SLC16A8: variants seen among roughly 807,000 people sequenced by gnomAD.
SLC16A8 encodes monocarboxylate transporter 3.
In SLC16A8, 20 loss-of-function variants were observed where a neutral mutation model predicts 22.4. The observed-to-expected ratio is 0.89, with a 90% CI of 0.63 to 1.30. The LOEUF is 1.30. SLC16A8 is among the 50% of genes most tolerant of loss of function. The pLI, the probability that SLC16A8 is intolerant of heterozygous loss-of-function variation, is 0.00. For synonymous variants in SLC16A8, 393 were observed against 358.8 expected, an observed-to-expected ratio of 1.10 and a Z score of -1.08; for missense variants, 817 against 740.3, an observed-to-expected ratio of 1.10 and a Z score of -1.20.
In SLC16A8 at chr22:38,081,245, G is replaced by A. The variant is rs373733532; in HGVS notation, c.793C>T (p.Leu265Phe). 11 of 1,585,524 alleles carry A rather than the reference G, an allele frequency of 6.9e-6. No individual in the cohort carries two copies. In the African/African-American group the frequency reaches 1.2e-4, roughly 18 times the overall value. Reference sequence around the variant, plus strand: ...AGGATGGCGGGGACGAAGAGCCCGAGCGCCATCAGGAACTTGGTGACGGCG... The same window carrying A: ...AGGATGGCGGGGACGAAGAGCCCGAACGCCATCAGGAACTTGGTGACGGCG... Reference protein sequence around the residue: ...VYAVTKFLMALGLFVPAILLV... With the variant: ...VYAVTKFLMAFGLFVPAILLV... The change falls in exon 5 of 6, where the codon CTC becomes TTC. Residue 265 changes from leucine to phenylalanine, a missense_variant. By Grantham distance (22) the Leu-to-Phe change is conservative. Transcript: ENST00000681075.
At chr22:38,081,751 A>G (rs2085921542) in intron 4 of SLC16A8, 72 bp from the exon 5 acceptor site, 6 of 1,457,372 alleles carry the variant, frequency 4.1e-6, no homozygotes, top group African/African-American at 1.4e-5. Flanking sequence ...GGGAGGGGCC[A>G]GGCCCGGGAA....
In SLC16A8 at chr22:38,081,675, C is replaced by T; in HGVS notation, c.363G>A (p.Leu121=). The T allele has an allele frequency of 1.3e-6, 2 of 1,516,678 alleles. No individual in the cohort carries two copies. Among genetic ancestry groups the T allele is most frequent in the African/African-American group, 1.4e-5 (1 of 71,858 alleles). The allele number at this position is 1,516,678 out of a possible 1,614,324, so 94.0% of individuals were successfully genotyped here. A position where few individuals can be genotyped will look rare whatever the true frequency, so the allele number is the denominator to read the frequency against. The change falls in exon 5 of 6, where the codon CTG becomes CTA. Residue 121 remains leucine (L), a synonymous_variant. Coordinates refer to ENST00000681075, the MANE Select transcript of SLC16A8 (RefSeq NM_013356.3). ...LYLTAGVLTG[L]GLALNFQPSL... ...ACGGCTGGAAGTTGAGGGCCAGGCCCAGGCCTGCGGGCGAGGCGGTGCTGT... is the reference window on the plus strand; with the variant it reads ...ACGGCTGGAAGTTGAGGGCCAGGCCTAGGCCTGCGGGCGAGGCGGTGCTGT...
At position 38,081,418 on chromosome 22, in the gene SLC16A8, T is replaced by G; in HGVS notation, c.620A>C (p.Asp207Ala). 6 of 1,308,018 alleles carry G rather than the reference T, an allele frequency of 4.6e-6. No individual in the cohort carries two copies. Among genetic ancestry groups the G allele is most frequent in the Non-Finnish European group, 5.8e-6 (6 of 1,035,244 alleles). 81.0% of individuals were successfully genotyped at this position (1,308,018 alleles called of 1,614,324 possible). A position where few individuals can be genotyped will look rare whatever the true frequency, so the allele number is the denominator to read the frequency against. The change falls in exon 5 of 6, where the codon GAC becomes GCC. Residue 207 changes from aspartate to alanine, a missense_variant. By Grantham distance (126) the Asp-to-Ala change is moderately radical. Coordinates refer to ENST00000681075, the MANE Select transcript of SLC16A8 (RefSeq NM_013356.3). The stretch of plus-strand genomic sequence containing the variant: ...GTCCCCGGCGCGGTCGCCGGCGCTG[T>G]CCCTGCGCGGTCGCGGGCCCGGCCC... ...PPGPGPRPRRDSAGDRAGDAP... is the reference protein window; with the variant it reads ...PPGPGPRPRRASAGDRAGDAP...
At position 38,081,374 on chromosome 22, in the gene SLC16A8, C is replaced by T. The variant is rs995701368; in HGVS notation, c.664G>A (p.Ala222Thr). 4.2e-6 allele frequency: 6 copies of T among 1,415,912 alleles called. No homozygotes were observed. The African/African-American group carries it at 7.5e-5, about 18-fold the overall frequency. The allele number at this position is 1,415,912 out of a possible 1,614,324, so 87.7% of individuals were successfully genotyped here. A position where few individuals can be genotyped will look rare whatever the true frequency, so the allele number is the denominator to read the frequency against. ...RAGDAPGEAE[A>T]DGAGLQLREA... ...CGCAGCTGCAGCCCCGCACCGTCAGCCTCCGCCTCGCCCGGAGCGTCCCCG... is the reference window on the plus strand; with the variant it reads ...CGCAGCTGCAGCCCCGCACCGTCAGTCTCCGCCTCGCCCGGAGCGTCCCCG... The change falls in exon 5 of 6, where the codon GCT (alanine) becomes ACT (threonine). Residue 222 changes from alanine to threonine, a missense_variant. Coordinates refer to ENST00000681075, the MANE Select transcript of SLC16A8 (RefSeq NM_013356.3).
rs991675212 is a variant in SLC16A8 at position 38,082,990 on chromosome 22, A to AG, written c.-9+51dup. On this transcript the variant is annotated intron_variant, in intron 2 of 5. Transcript: ENST00000681075. ...ACTGAGGCACAGGGCTACCCACGTG[A>AG]GGGTGGCTCAGGTCTGGGAACCAAA... 5.9e-5 allele frequency: 41 copies of AG among 699,236 alleles called. 1 individual carries two copies. Among genetic ancestry groups the AG allele is most frequent in the Middle Eastern group, 8.1e-4 (2 of 2,476 alleles). The allele number at this position is 699,236 out of a possible 1,614,324, so 43.3% of individuals were successfully genotyped here.
chr22:38,080,915 G>C lies in SLC16A8; in HGVS notation c.1123C>G (p.Pro375Ala), dbSNP rs371056979. 4 of 1,570,862 alleles carry C rather than the reference G, an allele frequency of 2.5e-6. No homozygotes were observed. The highest frequency in any genetic ancestry group is 2.7e-5 in the African/African-American group (2 of 74,670). The part of the protein sequence containing the change: ...FEVLMAAVGA[P>A]RFPSALGLVL... ...AGGCCCAGCGCACTGGGGAAGCGGG[G>C]CGCGCCCACAGCCGCCATGAGCACC... The change falls in exon 5 of 6, where the codon CCC becomes GCC. Residue 375 changes from proline to alanine, a missense_variant. Coordinates refer to ENST00000681075, the MANE Select transcript of SLC16A8 (RefSeq NM_013356.3).
intron 5 of SLC16A8, among the ~76,000 whole-genome samples, chr22:38,079,249 T>G (rs1156892450): frequency 6.6e-6 from 1 of 152,218 alleles, no homozygotes; most frequent in Non-Finnish European, 1.5e-5. Context: ...CTATCCCTTG[T>G]AGATACTACT....
chr22:38,078,211 G>A lies in SLC16A8; in HGVS notation c.*177C>T. 1 of 620,544 alleles carries A rather than the reference G, an allele frequency of 1.6e-6. No individual in the cohort carries two copies. Among genetic ancestry groups the A allele is most frequent in the Non-Finnish European group, 2.8e-6 (1 of 355,822 alleles). The allele number at this position is 620,544 out of a possible 1,614,324, so 38.4% of individuals were successfully genotyped here. On this transcript the variant is annotated 3_prime_UTR_variant, in exon 6 of 6. Transcript: ENST00000681075. ...TTCACTGGCGATGGGGCAGGGCCTG[G>A]CGGAACTTGGGGCACAGATGAGGGA...
intron 1 of SLC16A8, 83 bp from the exon 2 acceptor site, chr22:38,083,444 C>T (rs933874879): frequency 3.9e-5 from 6 of 152,614 alleles, no homozygotes; most frequent in African/African-American, 1.4e-4. Flanking sequence ...TGCATCTCAG[C>T]TCAGCCATGG....
chr22:38,081,431 G>A lies in SLC16A8; in HGVS notation c.607C>T (p.Arg203Ter). 6 of 1,289,792 alleles carry A rather than the reference G, an allele frequency of 4.7e-6. No homozygotes were observed. Among genetic ancestry groups the A allele is most frequent in the Non-Finnish European group, 4.9e-6 (5 of 1,025,518 alleles). The allele number at this position is 1,289,792 out of a possible 1,614,324, so 79.9% of individuals were successfully genotyped here. Reference protein sequence around the residue: ...VMRPPPGPGPRPRRDSAGDRA... With the variant: ...VMRPPPGPGP ...TCGCCGGCGCTGTCCCTGCGCGGTC[G>A]CGGGCCCGGCCCGGGCGGCGGCCTC... is the stretch of plus-strand genomic sequence containing the variant. Residue 203 changes from arginine (R) to a stop codon, truncating the protein, a stop_gained, in exon 5 of 6, where the codon CGA (arginine) becomes TGA (stop). Transcript: ENST00000681075. LOFTEE classifies it high-confidence loss of function.
chr22:38,082,587 A>C (rs2085935139), intron 3 of SLC16A8, 73 bp downstream of exon 3: 3 of 1,302,450 alleles, frequency 2.3e-6, no homozygotes, highest in Middle Eastern at 4.6e-4. Context: ...GGGGATGCTC[A>C]GGGGCTCGGG....
rs1172607238 is a variant in SLC16A8 at position 38,081,358 on chromosome 22, A to G, written c.680T>C (p.Leu227Pro). 5 of 1,433,288 alleles carry G rather than the reference A, an allele frequency of 3.5e-6. No homozygotes were observed. The South Asian group carries it at 5.9e-5, about 17-fold the overall frequency. 88.8% of individuals were successfully genotyped at this position (1,433,288 alleles called of 1,614,324 possible). A position where few individuals can be genotyped will look rare whatever the true frequency, so the allele number is the denominator to read the frequency against. ...CCTGGGGGATGCCTCGCGCAGCTGC[A>G]GCCCCGCACCGTCAGCCTCCGCCTC... ...PGEAEADGAG[L>P]QLREASPRVR... Residue 227 changes from leucine to proline, a missense_variant, in exon 5 of 6, where the codon CTG becomes CCG. By Grantham distance (98) the Leu-to-Pro change is moderately conservative. Coordinates refer to ENST00000681075, the MANE Select transcript of SLC16A8 (RefSeq NM_013356.3).
chr22:38,080,695 G>T, intron 5 of SLC16A8, 145 bp downstream of exon 5: 2 of 1,161,998 alleles, frequency 1.7e-6, no homozygotes, highest in Non-Finnish European at 2.3e-6. Context: ...GCTTGGAGGA[G>T]GGACTAACTG....
Position 38,083,210 on chromosome 22 carries a change from T to G in SLC16A8, c.-177A>C. On this transcript the variant is annotated 5_prime_UTR_variant, in exon 2 of 6. Coordinates refer to ENST00000681075, the MANE Select transcript of SLC16A8 (RefSeq NM_013356.3). The stretch of plus-strand genomic sequence containing the variant: ...GCAGGTATGTGCCTGGAGGTGGGCG[T>G]CCAGCACCAAAGTCGCCCCGTACGC... The G allele has an allele frequency of 3.0e-6, 1 of 329,832 alleles. No homozygotes were observed. Among genetic ancestry groups the G allele is most frequent in the Non-Finnish European group, 5.6e-6 (1 of 179,146 alleles). 20.4% of individuals were successfully genotyped at this position (329,832 alleles called of 1,614,324 possible).
At chr22:38,080,350 T>C (rs542564411) in intron 5 of SLC16A8, among the ~76,000 whole-genome samples, 1 of 152,054 alleles carries the variant, frequency 6.6e-6, no homozygotes, top group Non-Finnish European at 1.5e-5. Flanking sequence ...CACCAGTGCT[T>C]CTCCCCATCT....
In SLC16A8 at chr22:38,078,557, C is replaced by T. The variant is rs1220747456; in HGVS notation, c.1346G>A (p.Gly449Asp). ...KAAPSGPGTE[G>D]GASDTEDAEA... is the part of the protein sequence containing the mutation. ...AGCGTCCTCAGTGTCACTGGCTCCG[C>T]CCTCAGTGCCTGGGCCTGACGGGGC... The change falls in exon 6 of 6, where the codon GGC becomes GAC. Residue 449 changes from glycine (G) to aspartate (D), a missense_variant. By Grantham distance (94) the Gly-to-Asp change is moderately conservative. Transcript: ENST00000681075. 1.9e-6 allele frequency: 3 copies of T among 1,614,188 alleles called. No homozygotes were observed. The highest frequency in any genetic ancestry group is 1.6e-4 in the Middle Eastern group (1 of 6,062).
At position 38,078,265 on chromosome 22, in the gene SLC16A8, CTG is replaced by C; in HGVS notation, c.*121_*122del. 1.1e-6 allele frequency: 1 copy of C among 921,980 alleles called. No homozygotes were observed. The highest frequency in any genetic ancestry group is 1.6e-5 in the African/African-American group (1 of 60,658). The allele number at this position is 921,980 out of a possible 1,614,324, so 57.1% of individuals were successfully genotyped here. A position where few individuals can be genotyped will look rare whatever the true frequency, so the allele number is the denominator to read the frequency against. On this transcript the variant is annotated 3_prime_UTR_variant, in exon 6 of 6. Transcript: ENST00000681075. ...AGTTCCCAGACACCCAGGGGATCAA[CTG>C]GAGCCCAGACGTGGACCCCGGGAGT...
In SLC16A8 at chr22:38,081,583, C is replaced by T. The variant is rs1601970811; in HGVS notation, c.455G>A (p.Gly152Asp). Reference protein sequence around the residue: ...RPLANGLAAAGSPVFLSALSP... With the variant: ...RPLANGLAAADSPVFLSALSP... ...CAGCGCGGACAGGAACACGGGGCTG[C>T]CCGCCGCCGCCAGCCCGTTGGCCAG... The change falls in exon 5 of 6, where the codon GGC becomes GAC. Residue 152 changes from glycine to aspartate, a missense_variant. Transcript: ENST00000681075. 1 of 1,512,838 alleles carries T rather than the reference C, an allele frequency of 6.6e-7. No individual in the cohort carries two copies. The highest frequency in any genetic ancestry group is 1.4e-5 in the African/African-American group (1 of 69,904). 93.7% of individuals were successfully genotyped at this position (1,512,838 alleles called of 1,614,324 possible).
chr22:38,083,874 C>CTCCA (rs1187477351), intron 1 of SLC16A8, 114 bp downstream of exon 1: 1 of 152,280 alleles, frequency 6.6e-6, no homozygotes, highest in Non-Finnish European at 1.5e-5. Context: ...TCTGCCCCTC[C>CTCCA]TCCACTAGGA....
Sources: gnomAD v4.1 joint callset for allele counts (sites outside exome capture counted in the v4.1 genomes callset) on GRCh38, gnomAD v4.1.1 for gene constraint, MANE v1.5 for transcripts, NCBI Gene and HGNC (gene_info 2026-07-23, HGNC 2026-07-21) for gene names.